GRXCR2: variants seen among roughly 807,000 people sequenced by gnomAD.
The protein encoded by GRXCR2 is glutaredoxin and cysteine rich domain containing 2, also known as glutaredoxin domain-containing cysteine-rich protein 2.
GRXCR2 carries 23 observed loss-of-function variants against 24.8 expected under a neutral mutation model. The ratio of observed to expected loss-of-function variants is 0.93; its 90% CI spans 0.67 to 1.32. GRXCR2 has a LOEUF of 1.32. Among genes scored for constraint, GRXCR2 ranks in the 40% most tolerant of loss-of-function variants. The pLI is 0.00. For missense variants in GRXCR2, 315 were observed against 303.4 expected (o/e 1.04, Z -0.28); for synonymous variants, 130 against 116.1 (o/e 1.12, Z -0.77).
intron 2 of GRXCR2, among the ~76,000 whole-genome samples, chr5:145,866,148 A>G (rs12516969): frequency 0.13 from 18,776 of 148,074 alleles, 1,598 homozygotes; most frequent in Admixed American, 0.22. Flanking sequence ...AAAAAAAAAA[A>G]AAAGAAAGAA....
chr5:145,873,601 A>G (rs1300631738), upstream of GRXCR2, among the ~76,000 whole-genome samples: 2 of 152,206 alleles, frequency 1.3e-5, no homozygotes, highest in Non-Finnish European at 1.5e-5. Context: ...CCACACAACC[A>G]GAAGTTTTCC....
chr5:145,913,128 T>C (rs1387525931), intron 2 of GRXCR2, among the ~76,000 whole-genome samples: 1 of 152,202 alleles, frequency 6.6e-6, no homozygotes, highest in Non-Finnish European at 1.5e-5. Flanking sequence ...CTGCCATCGT[T>C]AACATCTACA....
intron 2 of GRXCR2, among the ~76,000 whole-genome samples, chr5:145,893,094 T>C (rs1561684321): frequency 6.6e-6 from 1 of 152,192 alleles, no homozygotes; most frequent in Non-Finnish European, 1.5e-5. Context: ...AGAGATTTTG[T>C]CACCACCAGG....
At chr5:145,862,037 A>G (rs1247942479) in intron 2 of GRXCR2, among the ~76,000 whole-genome samples, 1 of 152,250 alleles carries the variant, frequency 6.6e-6, no homozygotes, top group East Asian at 1.9e-4. Flanking sequence ...TTCTTAAAGT[A>G]TTCAAAATAA....
intron 2 of GRXCR2, among the ~76,000 whole-genome samples, chr5:145,882,789 T>G (rs1756721726): frequency 6.6e-6 from 1 of 152,038 alleles, no homozygotes. Context: ...CCATCAGTGA[T>G]AGACTGGATT....
chr5:145,895,429 T>C (rs79914721), intron 2 of GRXCR2, among the ~76,000 whole-genome samples: 1,682 of 152,230 alleles, frequency 0.011, 14 homozygotes, highest in Middle Eastern at 0.031. Context: ...TAGGCAACTT[T>C]AGCAAAGTCT....
intron 1 of GRXCR2, among the ~76,000 whole-genome samples, chr5:145,868,413 G>A (rs1432826787): frequency 1.3e-5 from 2 of 152,138 alleles, no homozygotes; most frequent in African/African-American, 4.8e-5. Flanking sequence ...AACACCCATG[G>A]AGTTTTCAAT....
chr5:145,876,730 A>C (rs565702722), upstream of GRXCR2, among the ~76,000 whole-genome samples: 9 of 152,302 alleles, frequency 5.9e-5, no homozygotes, highest in East Asian at 1.7e-3. Flanking sequence ...CAGTGAGCCA[A>C]CCTAAAATCA....
chr5:145,868,904 G>T (rs1016995545), intron 1 of GRXCR2, among the ~76,000 whole-genome samples: 1 of 152,214 alleles, frequency 6.6e-6, no homozygotes, highest in Non-Finnish European at 1.5e-5. Context: ...GAAAGTTCAC[G>T]TTACGTGGTT....
chr5:145,879,342 G>C (rs1408150304), intron 2 of GRXCR2, among the ~76,000 whole-genome samples: 2 of 148,554 alleles, frequency 1.3e-5, no homozygotes, highest in Middle Eastern at 3.5e-3. Flanking sequence ...TAAAGGGATG[G>C]AGGAAGATCT....
At chr5:145,875,500 G>T (rs1035166980), upstream of GRXCR2, among the ~76,000 whole-genome samples, 20 of 151,882 alleles carry the variant, frequency 1.3e-4, no homozygotes, top group Non-Finnish European at 2.2e-4. Flanking sequence ...AGTGAGCCAG[G>T]ATTGCACCAC....
chr5:145,931,333 A>G (rs1757475022), intron 2 of GRXCR2, among the ~76,000 whole-genome samples: 1 of 152,208 alleles, frequency 6.6e-6, no homozygotes, highest in Non-Finnish European at 1.5e-5. Context: ...CACCTGGCCC[A>G]AAACCATGCT....
At chr5:145,895,059 GA>G (rs1756929355) in intron 2 of GRXCR2, among the ~76,000 whole-genome samples, 1 of 152,074 alleles carries the variant, frequency 6.6e-6, no homozygotes, top group African/African-American at 2.4e-5. Context: ...AACAGATGCA[GA>G]AAAACCTTTG....
At chr5:145,924,781 T>A (rs1221347129) in intron 2 of GRXCR2, among the ~76,000 whole-genome samples, 1 of 152,198 alleles carries the variant, frequency 6.6e-6, no homozygotes, top group African/African-American at 2.4e-5. Flanking sequence ...AAAACAATGT[T>A]AATTGTTATT....
chr5:145,876,335 G>C (rs1756618758), upstream of GRXCR2, among the ~76,000 whole-genome samples: 1 of 149,648 alleles, frequency 6.7e-6, no homozygotes, highest in South Asian at 2.1e-4. Flanking sequence ...GGAGTGCAGG[G>C]GTGCAACCTT....
At chr5:145,911,787 T>G (rs1757170500) in intron 2 of GRXCR2, among the ~76,000 whole-genome samples, 1 of 152,206 alleles carries the variant, frequency 6.6e-6, no homozygotes, top group Non-Finnish European at 1.5e-5. Flanking sequence ...GTGACTGGCC[T>G]CCTCTAAATA....
At chr5:145,888,540 A>G (rs1158921708) in intron 2 of GRXCR2, among the ~76,000 whole-genome samples, 1 of 152,202 alleles carries the variant, frequency 6.6e-6, no homozygotes, top group Non-Finnish European at 1.5e-5. Flanking sequence ...GTTTTGGCAC[A>G]TATGCTTAAT....
intron 2 of GRXCR2, among the ~76,000 whole-genome samples, chr5:145,923,411 G>C (rs904169566): frequency 6.6e-6 from 1 of 152,094 alleles, no homozygotes; most frequent in African/African-American, 2.4e-5. Flanking sequence ...TTGTTGTCTC[G>C]AAATGAAAAT....
intron 2 of GRXCR2, among the ~76,000 whole-genome samples, chr5:145,922,488 T>C (rs1222476023): frequency 6.6e-6 from 1 of 152,198 alleles, no homozygotes; most frequent in Non-Finnish European, 1.5e-5. Context: ...CCTCCTAAGC[T>C]GGGAGCTCCC....
Sources: allele counts gnomAD v4.1 joint callset (sites outside exome capture counted in the v4.1 genomes callset), GRCh38; gene constraint gnomAD v4.1.1; transcripts MANE v1.5; gene names NCBI Gene and HGNC (gene_info 2026-07-23, HGNC 2026-07-21).